Variants in FRMPD3 observed in about 807,000 individuals in gnomAD.
FRMPD3 encodes FERM and PDZ domain-containing protein 3.
FRMPD3 carries 42 observed loss-of-function variants against 97.9 expected under a neutral mutation model. The ratio of observed to expected loss-of-function variants is 0.43; its 90% confidence interval spans 0.34 to 0.55. FRMPD3 has a LOEUF of 0.55. Ranked by LOEUF, FRMPD3 falls within the 20% of genes least tolerant of loss-of-function variation. The probability of loss-of-function intolerance (pLI) is 0.03; values close to 1 mark genes in which losing one functional copy is unlikely to be tolerated. For missense variants in FRMPD3, 1,303 were observed against 1,457.7 expected, an observed-to-expected ratio of 0.89 and a Z score of 1.73; for synonymous variants, 577 against 581.1, an observed-to-expected ratio of 0.99 and a Z score of 0.10.
At chrX:107,581,464 TAA>T (rs1281325612) in intron 13 of FRMPD3, among the ~76,000 whole-genome samples, 2 of 102,303 alleles carry the variant, frequency 2.0e-5, no homozygotes, top group African/African-American at 7.1e-5. Context: ...AGCTGTGCTT[TAA>T]AAAAAAAAAA....
chrX:107,516,723 G>GT (rs1274366366), intron 1 of FRMPD3, among the ~76,000 whole-genome samples: 67 of 103,858 alleles, frequency 6.5e-4, no homozygotes, highest in Non-Finnish European at 8.0e-4. Flanking sequence ...TGATGGGGTT[G>GT]TTTTTTTTTT....
intron 13 of FRMPD3, among the ~76,000 whole-genome samples, chrX:107,593,066 G>A (rs748163181): frequency 1.7e-3 from 185 of 111,624 alleles, no homozygotes; most frequent in Admixed American, 2.5e-3. Flanking sequence ...ATGTGCTATC[G>A]CGCCCAGCCA....
Position 107,602,303 on chromosome X carries a change from C to A in FRMPD3, c.4264C>A (p.Pro1422Thr). Residue 1422 changes from proline (P) to threonine (T), a missense_variant, in exon 15 of 15, where the codon CCC (proline) becomes ACC (threonine). Transcript: ENST00000683843. Reference protein sequence around the residue: ...VYPHPPLGMLPREAKEVEASL... With the variant: ...VYPHPPLGMLTREAKEVEASL... ...CCCACATCCTCCCCTGGGCATGCTGCCCAGGGAGGCCAAGGAGGTAGAGGC... is the reference window on the plus strand; with the variant it reads ...CCCACATCCTCCCCTGGGCATGCTGACCAGGGAGGCCAAGGAGGTAGAGGC... The A allele has an allele frequency of 8.3e-7, 1 of 1,209,739 alleles. No individual in the cohort carries two copies. The highest frequency in any genetic ancestry group is 1.1e-6 in the Non-Finnish European group (1 of 894,784).
intron 1 of FRMPD3, among the ~76,000 whole-genome samples, chrX:107,485,791 C>T (rs1921487715): frequency 9.0e-6 from 1 of 111,721 alleles, no homozygotes; most frequent in Non-Finnish European, 1.9e-5. Context: ...TGGAAGGAAG[C>T]AGGGATATAG....
At chrX:107,485,173 G>A (rs1921472351) in intron 1 of FRMPD3, among the ~76,000 whole-genome samples, 1 of 112,901 alleles carries the variant, frequency 8.9e-6, no homozygotes, top group African/African-American at 3.2e-5. Flanking sequence ...AAGTAACTTG[G>A]TAAGGGGGAA....
chrX:107,491,507 G>T (rs1028574427), intron 1 of FRMPD3, among the ~76,000 whole-genome samples: 2 of 112,382 alleles, frequency 1.8e-5, no homozygotes, highest in African/African-American at 6.5e-5. Context: ...GCAGAGCTGG[G>T]ATATGACCTC....
At chrX:107,588,469 G>C (rs897704928) in intron 13 of FRMPD3, among the ~76,000 whole-genome samples, 16 of 110,896 alleles carry the variant, frequency 1.4e-4, no homozygotes, top group African/African-American at 5.2e-4. Context: ...GGTCCAGCTG[G>C]TCTCAAACTC....
Position 107,603,606 on chromosome X carries a change from G to T in FRMPD3, c.*233G>T. 1 of 513,542 alleles carries T rather than the reference G, an allele frequency of 1.9e-6. No individual in the cohort carries two copies. Among genetic ancestry groups the T allele is most frequent in the Non-Finnish European group, 2.9e-6 (1 of 340,319 alleles). The allele number at this position is 513,542 out of a possible 1,213,427, so 42.3% of individuals were successfully genotyped here. A position where few individuals can be genotyped will look rare whatever the true frequency, so the allele number is the denominator to read the frequency against. On this transcript the variant is annotated 3_prime_UTR_variant, in exon 15 of 15. Transcript: ENST00000683843. Reference sequence around the variant, plus strand: ...TTCCCTGGCCTCTGGGCCTCACTGTGAGGGCAAAGGCCCCTCTTCACTCTG... The same window carrying T: ...TTCCCTGGCCTCTGGGCCTCACTGTTAGGGCAAAGGCCCCTCTTCACTCTG...
chrX:107,555,352 G>A (rs1922034392), intron 8 of FRMPD3, among the ~76,000 whole-genome samples: 1 of 111,999 alleles, frequency 8.9e-6, no homozygotes, highest in Non-Finnish European at 1.9e-5. Flanking sequence ...TTATGATTGA[G>A]CCTGGGCAGC....
At chrX:107,474,706 G>A (rs1921153613) in intron 1 of FRMPD3, among the ~76,000 whole-genome samples, 1 of 111,542 alleles carries the variant, frequency 9.0e-6, no homozygotes. Context: ...AGGATTAATG[G>A]GGGAAGGCTG....
intron 6 of FRMPD3, among the ~76,000 whole-genome samples, chrX:107,550,419 C>T (rs1297650245): frequency 8.9e-6 from 1 of 112,097 alleles, no homozygotes; most frequent in Non-Finnish European, 1.9e-5. Flanking sequence ...TCTGTGTTTG[C>T]GTTACATGGG....
intron 8 of FRMPD3, among the ~76,000 whole-genome samples, chrX:107,559,851 T>C (rs1394046614): frequency 1.8e-5 from 2 of 110,945 alleles, no homozygotes; most frequent in Non-Finnish European, 3.8e-5. Context: ...CCCAGTATCT[T>C]TCTCCCCTTG....
At chrX:107,510,444 G>A (rs1922137128) in intron 1 of FRMPD3, among the ~76,000 whole-genome samples, 1 of 111,437 alleles carries the variant, frequency 9.0e-6, no homozygotes, top group African/African-American at 3.3e-5. Flanking sequence ...CCAAAGACGA[G>A]CCCACAGGTG....
At chrX:107,499,460 G>A (rs1921852451) in intron 1 of FRMPD3, among the ~76,000 whole-genome samples, 1 of 111,723 alleles carries the variant, frequency 9.0e-6, no homozygotes, top group Non-Finnish European at 1.9e-5. Flanking sequence ...CTGTTTCAGT[G>A]GGAAAAAGCA....
At chrX:107,597,142 G>C (rs1189722458) in intron 13 of FRMPD3, among the ~76,000 whole-genome samples, 179 bp from the exon 14 acceptor site, 1 of 111,461 alleles carries the variant, frequency 9.0e-6, no homozygotes, top group African/African-American at 3.3e-5. Flanking sequence ...CTACTTTCAG[G>C]GTCAGCAGTA....
intron 1 of FRMPD3, chrX:107,525,550 G>C: frequency 1.8e-6 from 1 of 557,445 alleles, no homozygotes; most frequent in Non-Finnish European, 3.2e-6. Flanking sequence ...TCTCCCTGGA[G>C]TTAGGGCAGT....
Position 107,530,473 on chromosome X carries a change from G to C in FRMPD3, c.213G>C (p.Val71=), listed in dbSNP as rs2147553731. The part of the protein sequence containing the change: ...DQIVAINEED[V]SEAPRERLIE... ...TTGTGGCTATTAATGAGGAAGACGT[G>C]AGTGAAGCCCCGAGGGAGAGACTCA... Residue 71 remains valine (V), a synonymous_variant, in exon 3 of 15, where the codon GTG becomes GTC. Transcript: ENST00000683843. 1 of 1,196,347 alleles carries C rather than the reference G, an allele frequency of 8.4e-7. No homozygotes were observed. The highest frequency in any genetic ancestry group is 1.1e-6 in the Non-Finnish European group (1 of 887,833).
At chrX:107,478,938 G>A (rs896834311) in intron 1 of FRMPD3, among the ~76,000 whole-genome samples, 1 of 111,117 alleles carries the variant, frequency 9.0e-6, no homozygotes, top group Non-Finnish European at 1.9e-5. Flanking sequence ...GAGGCTGCTC[G>A]GCACCCCACT....
At chrX:107,535,210 A>G (rs1923168673) in intron 4 of FRMPD3, among the ~76,000 whole-genome samples, 1 of 112,409 alleles carries the variant, frequency 8.9e-6, no homozygotes, top group Non-Finnish European at 1.9e-5. Flanking sequence ...AATAGCATCT[A>G]CCTTCACTAT....
Sources: gnomAD v4.1 joint callset for allele counts (sites outside exome capture counted in the v4.1 genomes callset) on GRCh38, gnomAD v4.1.1 for gene constraint, MANE v1.5 for transcripts, NCBI Gene and HGNC (gene_info 2026-07-23, HGNC 2026-07-21) for gene names.